The following REDIC1 variants were observed in gnomAD, a reference collection of about 807,000 sequenced individuals.
REDIC1 encodes regulator of DNA class I crossover intermediates 1.
At chr12:39,667,313 T>C in the REDIC1 span, among the ~76,000 whole-genome samples, 1 of 152,224 alleles carries the variant, frequency 6.6e-6, no homozygotes, top group African/African-American at 2.4e-5. Context: ...TCTGCCTTCA[T>C]TTCTTTATGT....
chr12:39,901,235 A>G, the REDIC1 span, among the ~76,000 whole-genome samples: 17 of 152,308 alleles, frequency 1.1e-4, no homozygotes, highest in African/African-American at 3.6e-4. Context: ...AACCATAAAA[A>G]CCCTAGAAGA....
the REDIC1 span, among the ~76,000 whole-genome samples, chr12:39,826,961 G>A: frequency 7.1e-6 from 1 of 139,966 alleles, no homozygotes; most frequent in South Asian, 2.4e-4. Context: ...TTTCTATTAG[G>A]TTGGTGCAAA....
chr12:39,707,660 T>C, the REDIC1 span, among the ~76,000 whole-genome samples: 2 of 151,962 alleles, frequency 1.3e-5, no homozygotes, highest in Admixed American at 1.3e-4. Context: ...TTAAACACAA[T>C]CTAATAATCT....
chr12:39,683,186 T>A, the REDIC1 span: 13 of 1,494,324 alleles, frequency 8.7e-6, no homozygotes, highest in African/African-American at 1.4e-5. Flanking sequence ...CTTTTTTTCT[T>A]TCAGTTTTAG....
At chr12:39,632,800 T>C in the REDIC1 span, among the ~76,000 whole-genome samples, 1 of 152,196 alleles carries the variant, frequency 6.6e-6, no homozygotes, top group African/African-American at 2.4e-5. Context: ...CAATAGTAAG[T>C]ATTTATGTAT....
At chr12:39,761,234 T>C in the REDIC1 span, among the ~76,000 whole-genome samples, 2 of 142,728 alleles carry the variant, frequency 1.4e-5, no homozygotes, top group Admixed American at 1.4e-4. Flanking sequence ...TGGGCCTCTG[T>C]TGCCTCATTA....
chr12:39,859,396 A>G, the REDIC1 span, among the ~76,000 whole-genome samples: 1 of 148,002 alleles, frequency 6.8e-6, no homozygotes, highest in African/African-American at 2.5e-5. Context: ...ATGTACTGGC[A>G]TCACCTGGGG....
chr12:39,892,406 G>A, the REDIC1 span, among the ~76,000 whole-genome samples: 1 of 152,162 alleles, frequency 6.6e-6, no homozygotes, highest in African/African-American at 2.4e-5. Flanking sequence ...ACCTACTGTT[G>A]GCATGGTACT....
the REDIC1 span, among the ~76,000 whole-genome samples, chr12:39,700,479 TG>T: frequency 6.6e-6 from 1 of 152,058 alleles, no homozygotes; most frequent in African/African-American, 2.4e-5. Flanking sequence ...CTGAAAGTGA[TG>T]GGGAGAATGG....
the REDIC1 span, among the ~76,000 whole-genome samples, chr12:39,895,517 TATATATATATA>T: frequency 2.2e-3 from 2 of 926 alleles, no homozygotes; most frequent in East Asian, 0.071. Flanking sequence ...AAAAAAATTA[TATATATATATA>T]TATATATATA....
At chr12:39,659,406 G>A in the REDIC1 span, among the ~76,000 whole-genome samples, 10 of 151,934 alleles carry the variant, frequency 6.6e-5, no homozygotes, top group South Asian at 1.7e-3. Flanking sequence ...CTCCTTGGGG[G>A]ACTCAAATTG....
At chr12:39,799,504 A>G in the REDIC1 span, among the ~76,000 whole-genome samples, 7 of 152,174 alleles carry the variant, frequency 4.6e-5, no homozygotes, top group Non-Finnish European at 1.0e-4. Flanking sequence ...TAGTAAAAAT[A>G]AGCTTCATTT....
chr12:39,750,607 G>T, the REDIC1 span, among the ~76,000 whole-genome samples: 1 of 151,950 alleles, frequency 6.6e-6, no homozygotes, highest in Non-Finnish European at 1.5e-5. Context: ...TTGCCAAGTC[G>T]ATCCTAAGCC....
At chr12:39,635,747 C>T in the REDIC1 span, among the ~76,000 whole-genome samples, 1 of 151,952 alleles carries the variant, frequency 6.6e-6, no homozygotes, top group Non-Finnish European at 1.5e-5. Context: ...AGCTACGTAA[C>T]AAACCTGCAT....
chr12:39,711,916 CACATACATGTCTATATGTATATAG>C, the REDIC1 span, among the ~76,000 whole-genome samples: 1 of 116,746 alleles, frequency 8.6e-6, no homozygotes, highest in African/African-American at 3.3e-5. Context: ...CATGTATATA[CACATACATGTCTATATGTATATAG>C]ACATGTATAC....
the REDIC1 span, among the ~76,000 whole-genome samples, chr12:39,785,611 C>A: frequency 6.6e-6 from 1 of 152,088 alleles, no homozygotes; most frequent in African/African-American, 2.4e-5. Context: ...TCCTCCAGAC[C>A]CCAGAATGGT....
chr12:39,788,220 A>G, the REDIC1 span, among the ~76,000 whole-genome samples: 11,729 of 152,194 alleles, frequency 0.077, 494 homozygotes, highest in Non-Finnish European at 0.099. Context: ...AAACCTATGA[A>G]TATGTTTATA....
chr12:39,683,361 A>G, the REDIC1 span: 2 of 1,342,192 alleles, frequency 1.5e-6, no homozygotes, highest in South Asian at 2.4e-5. Flanking sequence ...GAATTAAAAA[A>G]TGAAAATAGA....
At chr12:39,817,257 G>C in the REDIC1 span, among the ~76,000 whole-genome samples, 1 of 152,130 alleles carries the variant, frequency 6.6e-6, no homozygotes, top group Non-Finnish European at 1.5e-5. Context: ...ACCAATTCCG[G>C]GTTGCTCATT....
Sources: gnomAD v4.1 joint callset for allele counts (sites outside exome capture counted in the v4.1 genomes callset) on GRCh38, gnomAD v4.1.1 for gene constraint, MANE v1.5 for transcripts, NCBI Gene and HGNC (gene_info 2026-07-23, HGNC 2026-07-21) for gene names.